The following LAMA3 variants were observed in gnomAD, a reference collection of about 807,000 sequenced individuals.
The protein encoded by LAMA3 is laminin subunit alpha-3.
LAMA3 carries 281 observed loss-of-function variants against 402.0 expected under a neutral mutation model. That is an observed-to-expected ratio of 0.70 (90% CI 0.63 to 0.77). The LOEUF is 0.77. Among genes scored for constraint, LAMA3 ranks in the 30% least tolerant of loss-of-function variants. The pLI, the probability that LAMA3 is intolerant of heterozygous loss-of-function variation, is 0.00. For synonymous variants in LAMA3, 1,431 were observed against 1,558.4 expected (o/e 0.92, Z 1.93); for missense variants, 3,840 against 4,215.5 (o/e 0.91, Z 2.47).
intron 12 of LAMA3, 95 bp downstream of exon 12, chr18:23,784,252 T>A: frequency 6.7e-7 from 1 of 1,485,396 alleles, no homozygotes; most frequent in Non-Finnish European, 9.4e-7. Context: ...CTGTCTGGCT[T>A]GCAGTTTAAT....
chr18:23,775,734 A>G (rs948827014), intron 9 of LAMA3, 58 bp from the exon 10 acceptor site: 3 of 1,601,958 alleles, frequency 1.9e-6, no homozygotes, highest in African/African-American at 2.7e-5. Context: ...GTTGGAACAT[A>G]TTTGCTTTGT....
chr18:23,692,116 G>C (rs2060600373), intron 1 of LAMA3, among the ~76,000 whole-genome samples: 1 of 152,188 alleles, frequency 6.6e-6, no homozygotes, highest in Non-Finnish European at 1.5e-5. Context: ...CACGTCTTTT[G>C]CTGTCTAAGC....
chr18:23,932,337 C>T (rs2082186837), intron 66 of LAMA3, 46 bp downstream of exon 66: 1 of 1,604,886 alleles, frequency 6.2e-7, no homozygotes, highest in Non-Finnish European at 8.5e-7. Flanking sequence ...ACGGCCTGCC[C>T]ATGGGAAGGG....
chr18:23,879,385 C>T lies in LAMA3; in HGVS notation c.5113-2551C>T, dbSNP rs1316620507. On this transcript the variant is annotated intron_variant, in intron 39 of 74. Transcript: ENST00000313654. This position sits in a 1 kb window ranked among gnomAD's most constrained non-coding sequence, Gnocchi z 4.2. ...CTGGAATGCCCTTCCCTCACTTCTG[C>T]GCTCAGTGAATCCCTGTCCTTCTGC... 6.6e-6 allele frequency among the ~76,000 whole-genome samples: 1 copy of T among 152,204 alleles called. No homozygotes were observed. The highest frequency in any genetic ancestry group is 1.5e-5 in the Non-Finnish European group (1 of 68,042).
chr18:23,914,387 C>A (rs2081536358), intron 56 of LAMA3, 23 bp from the exon 57 acceptor site: 2 of 1,613,866 alleles, frequency 1.2e-6, no homozygotes, highest in Non-Finnish European at 1.7e-6. Flanking sequence ...GTGAAGTGTT[C>A]TGAGGTGGCC....
At chr18:23,746,281 A>G (rs1199041736) in intron 2 of LAMA3, among the ~76,000 whole-genome samples, 1 of 152,152 alleles carries the variant, frequency 6.6e-6, no homozygotes, top group Admixed American at 6.5e-5. Context: ...TTCCTTCCTC[A>G]GAGATAAGCA....
At position 23,933,919 on chromosome 18, in the gene LAMA3, C is replaced by T; in HGVS notation, c.8846C>T (p.Thr2949Ile). The T allele has an allele frequency of 6.2e-7, 1 of 1,614,124 alleles. No individual in the cohort carries two copies. Among genetic ancestry groups the T allele is most frequent in the Non-Finnish European group, 8.5e-7 (1 of 1,179,994 alleles). Reference protein sequence around the residue: ...KGSTRFNKTKTFRINQLLQDT... With the variant: ...KGSTRFNKTKIFRINQLLQDT... Reference sequence around the variant, plus strand: ...TCTACCAGGTTTAACAAGACCAAGACTTTTCGTATCAACCAGGTAAGTGTC... The same window carrying T: ...TCTACCAGGTTTAACAAGACCAAGATTTTTCGTATCAACCAGGTAAGTGTC... Residue 2949 changes from threonine to isoleucine, a missense_variant, in exon 67 of 75, where the codon ACT becomes ATT. This residue lies in a region of LAMA3 where 840 missense variants were observed against 981.9 expected (regional missense o/e 0.86). Transcript: ENST00000313654.
At chr18:23,856,641 A>G (rs542826210) in intron 32 of LAMA3, among the ~76,000 whole-genome samples, 1 of 152,222 alleles carries the variant, frequency 6.6e-6, no homozygotes, top group Non-Finnish European at 1.5e-5. Flanking sequence ...GGACCTGCAG[A>G]TGGTTGAGGG....
chr18:23,709,295 A>G (rs921081903), intron 1 of LAMA3, among the ~76,000 whole-genome samples: 1 of 149,614 alleles, frequency 6.7e-6, no homozygotes, highest in Non-Finnish European at 1.5e-5. Context: ...CTGCTCTCGA[A>G]CTCCTGGGCT....
chr18:23,898,110 A>G (rs193178657), intron 44 of LAMA3, among the ~76,000 whole-genome samples: 89 of 152,232 alleles, frequency 5.8e-4, no homozygotes, highest in Non-Finnish European at 1.1e-3. Context: ...ACCATTCTAG[A>G]TATTACGTGC....
chr18:23,909,066 C>A, intron 54 of LAMA3, 87 bp from the exon 55 acceptor site: 2 of 1,328,190 alleles, frequency 1.5e-6, no homozygotes, highest in Non-Finnish European at 2.2e-6. Context: ...AAACATGCCA[C>A]TTGACAAATA....
chr18:23,838,565 C>G (rs142801736), intron 25 of LAMA3, among the ~76,000 whole-genome samples: 4 of 152,316 alleles, frequency 2.6e-5, no homozygotes, highest in Admixed American at 6.5e-5. Flanking sequence ...AGCAGTAATT[C>G]AGTCAGTAAT....
At chr18:23,817,838 C>T (rs890847839) in intron 18 of LAMA3, among the ~76,000 whole-genome samples, 18 of 152,148 alleles carry the variant, frequency 1.2e-4, no homozygotes, top group African/African-American at 4.1e-4. Flanking sequence ...TTGAGCCTCC[C>T]CATGGGCCAG....
intron 1 of LAMA3, among the ~76,000 whole-genome samples, chr18:23,710,884 G>C (rs1019314905): frequency 6.6e-6 from 1 of 152,002 alleles, no homozygotes; most frequent in African/African-American, 2.4e-5. Flanking sequence ...TGTTTACACT[G>C]ATCTTTTTAT....
chr18:23,834,842 T>C (rs2063551965), intron 24 of LAMA3: 1 of 152,208 alleles, frequency 6.6e-6, no homozygotes. Context: ...CAAAAACTTA[T>C]CCAAAGAGTT....
chr18:23,816,968 G>C (rs2144352036), intron 18 of LAMA3, among the ~76,000 whole-genome samples: 1 of 152,286 alleles, frequency 6.6e-6, no homozygotes, highest in East Asian at 1.9e-4. Context: ...GCATAAGAGG[G>C]AGTGCCACCA....
chr18:23,877,080 A>G (rs989793022), intron 39 of LAMA3, among the ~76,000 whole-genome samples: 5 of 152,316 alleles, frequency 3.3e-5, no homozygotes, highest in Non-Finnish European at 7.3e-5. Flanking sequence ...AAATCAGTCC[A>G]ACACAAGCTT....
Position 23,914,773 on chromosome 18 carries a change from C to T in LAMA3, c.7557C>T (p.Asp2519=), listed in dbSNP as rs749843189. 1.9e-6 allele frequency: 3 copies of T among 1,613,132 alleles called. No homozygotes were observed. The highest frequency in any genetic ancestry group is 2.5e-6 in the Non-Finnish European group (3 of 1,179,142). The change falls in exon 58 of 75, where the codon GAC becomes GAT. Residue 2519 remains aspartate (D), a synonymous_variant. Coordinates refer to ENST00000313654, the MANE Select transcript of LAMA3 (RefSeq NM_198129.4). ...AACCAGAAACACCCGGAGTCTATGA[C>T]ATGGATGGTAGAAATAGCAATACAC... ...SSKPETPGVY[D]MDGRNSNTLL... is the part of the protein sequence containing the mutation.
chr18:23,833,313 T>C (rs1370402883), intron 23 of LAMA3, among the ~76,000 whole-genome samples: 1 of 152,180 alleles, frequency 6.6e-6, no homozygotes, highest in East Asian at 1.9e-4. Flanking sequence ...TCATTAACAG[T>C]CCTTATTAAC....
Sources: gnomAD v4.1 joint callset for allele counts (sites outside exome capture counted in the v4.1 genomes callset) on GRCh38, gnomAD v4.1.1 for gene constraint, gnomAD v4.1.1 regional missense constraint, Gnocchi (gnomAD v3.1) non-coding constraint, MANE v1.5 for transcripts, NCBI Gene and HGNC (gene_info 2026-07-23, HGNC 2026-07-21) for gene names.